The following GUCY1A2 variants were observed in gnomAD, a reference collection of about 807,000 sequenced individuals.
The protein encoded by GUCY1A2 is guanylate cyclase soluble subunit alpha-2.
GUCY1A2 carries 27 observed loss-of-function variants against 63.5 expected under a neutral mutation model. The ratio of observed to expected loss-of-function variants is 0.43; its 90% CI spans 0.31 to 0.59. The LOEUF (loss-of-function observed/expected upper bound fraction) is 0.59, where lower values mean the gene tolerates loss of function less well. GUCY1A2 is among the 20% of genes least tolerant of loss of function. The pLI, the probability that GUCY1A2 is intolerant of heterozygous loss-of-function variation, is 0.11. For missense variants in GUCY1A2, 768 were observed against 913.3 expected (o/e 0.84, Z 2.05); for synonymous variants, 364 against 343.5 (o/e 1.06, Z -0.66).
intron 1 of GUCY1A2, among the ~76,000 whole-genome samples, chr11:107,011,023 C>A (rs1440376969): frequency 6.6e-6 from 1 of 152,178 alleles, no homozygotes; most frequent in Non-Finnish European, 1.5e-5. Context: ...AACCACTGCG[C>A]CTGGCCCTCC....
At chr11:106,953,986 T>C (rs1228115091) in intron 3 of GUCY1A2, among the ~76,000 whole-genome samples, 1 of 152,168 alleles carries the variant, frequency 6.6e-6, no homozygotes. Flanking sequence ...TCATTGATTT[T>C]TGGAGGTTTT....
chr11:106,846,785 T>C (rs1031110866), intron 4 of GUCY1A2, among the ~76,000 whole-genome samples: 11 of 151,530 alleles, frequency 7.3e-5, no homozygotes, highest in African/African-American at 2.7e-4. Flanking sequence ...ACAAATGAAA[T>C]AGAAAATTAT....
chr11:106,968,100 C>T (rs1679369414), intron 3 of GUCY1A2, among the ~76,000 whole-genome samples: 1 of 152,178 alleles, frequency 6.6e-6, no homozygotes, highest in Non-Finnish European at 1.5e-5. Flanking sequence ...CTTAAGCATC[C>T]TTGCCCAAGA....
intron 4 of GUCY1A2, chr11:106,827,820 G>C: frequency 1.3e-6 from 2 of 1,598,242 alleles, no homozygotes. Flanking sequence ...CTCCGCACAA[G>C]TGACGCCCGC....
intron 4 of GUCY1A2, among the ~76,000 whole-genome samples, chr11:106,823,589 C>G (rs920081707): frequency 9.3e-4 from 141 of 152,130 alleles, no homozygotes; most frequent in Non-Finnish European, 1.7e-3. Context: ...TAATGATACC[C>G]AGAAGTGGGA....
chr11:106,804,975 C>T (rs1858661942), intron 5 of GUCY1A2, among the ~76,000 whole-genome samples: 1 of 152,284 alleles, frequency 6.6e-6, no homozygotes, highest in Non-Finnish European at 1.5e-5. Context: ...CTGAACTCTG[C>T]TTTTCCAGCT....
chr11:106,691,136 T>C (rs1237058717), intron 7 of GUCY1A2, among the ~76,000 whole-genome samples: 3 of 152,148 alleles, frequency 2.0e-5, no homozygotes, highest in Non-Finnish European at 4.4e-5. Context: ...TTGATGTCAA[T>C]CAATCAAACT....
chr11:106,996,124 C>T (rs1050902453), intron 1 of GUCY1A2, among the ~76,000 whole-genome samples: 14 of 152,156 alleles, frequency 9.2e-5, no homozygotes, highest in Non-Finnish European at 1.3e-4. Context: ...TTGCTCCAGT[C>T]GCATGCCTGG....
At chr11:106,870,119 G>C (rs1565315581) in intron 4 of GUCY1A2, among the ~76,000 whole-genome samples, 1 of 116,204 alleles carries the variant, frequency 8.6e-6, no homozygotes, top group African/African-American at 3.2e-5. Flanking sequence ...GGGGGGGGAG[G>C]GGGGAGGGAT....
At chr11:106,884,736 A>G (rs1859875423) in intron 4 of GUCY1A2, among the ~76,000 whole-genome samples, 1 of 152,170 alleles carries the variant, frequency 6.6e-6, no homozygotes, top group East Asian at 1.9e-4. Context: ...AATGTTAGCA[A>G]GAAGCTATAC....
chr11:106,679,805 A>C lies in GUCY1A2; in HGVS notation c.*7744T>G, dbSNP rs557076330. 9.2e-6 allele frequency: 2 copies of C among 217,750 alleles called. No homozygotes were observed. The highest frequency in any genetic ancestry group is 1.8e-5 in the Non-Finnish European group (2 of 108,362). 13.5% of individuals were successfully genotyped at this position (217,750 alleles called of 1,614,324 possible). On this transcript the variant is annotated 3_prime_UTR_variant, in exon 8 of 8. Coordinates refer to ENST00000526355, the MANE Select transcript of GUCY1A2 (RefSeq NM_000855.3). ...TGTTCTGACACTTTCATTTACCTTA[A>C]TCATTGTAACCAAGACTAGTTCTAT...
chr11:106,817,144 C>A (rs532726675), intron 4 of GUCY1A2, among the ~76,000 whole-genome samples: 120 of 152,156 alleles, frequency 7.9e-4, no homozygotes, highest in African/African-American at 2.6e-3. Flanking sequence ...CGAAATAATT[C>A]ATTTGTCCTC....
At chr11:106,960,978 G>T (rs1397970349) in intron 3 of GUCY1A2, among the ~76,000 whole-genome samples, 2 of 152,072 alleles carry the variant, frequency 1.3e-5, no homozygotes, top group African/African-American at 2.4e-5. Context: ...GGAACAGTGA[G>T]GAAGGAAGGA....
chr11:106,904,832 G>C (rs1326637492), intron 4 of GUCY1A2, among the ~76,000 whole-genome samples: 1 of 151,748 alleles, frequency 6.6e-6, no homozygotes, highest in African/African-American at 2.4e-5. Flanking sequence ...AAAAAAGTAT[G>C]ATGCCAATTG....
At chr11:106,730,815 G>A (rs1355042480) in intron 6 of GUCY1A2, among the ~76,000 whole-genome samples, 1 of 152,066 alleles carries the variant, frequency 6.6e-6, no homozygotes, top group African/African-American at 2.4e-5. Context: ...CATTCTGACT[G>A]GTGTTAAATG....
intron 4 of GUCY1A2, among the ~76,000 whole-genome samples, chr11:106,813,615 A>C (rs1173319197): frequency 6.6e-6 from 1 of 152,090 alleles, no homozygotes; most frequent in Non-Finnish European, 1.5e-5. Flanking sequence ...TAAGAAAATC[A>C]TTTGATGCAG....
intron 5 of GUCY1A2, among the ~76,000 whole-genome samples, chr11:106,802,952 CTGTT>C (rs1296010334): frequency 6.6e-6 from 1 of 152,148 alleles, no homozygotes; most frequent in Non-Finnish European, 1.5e-5. Context: ...AAACACCAAT[CTGTT>C]TGCAGTTGCC....
At chr11:106,758,120 C>T (rs910779014) in intron 6 of GUCY1A2, among the ~76,000 whole-genome samples, 3 of 152,212 alleles carry the variant, frequency 2.0e-5, no homozygotes, top group Non-Finnish European at 4.4e-5. Flanking sequence ...TTCGAGCTTA[C>T]TGGCAGCTTT....
chr11:106,907,640 G>T (rs1481717052), intron 4 of GUCY1A2, among the ~76,000 whole-genome samples: 1 of 151,962 alleles, frequency 6.6e-6, no homozygotes, highest in Non-Finnish European at 1.5e-5. Context: ...CCACCTATGA[G>T]TGAGAACATG....
Sources: allele counts gnomAD v4.1 joint callset (sites outside exome capture counted in the v4.1 genomes callset), GRCh38; gene constraint gnomAD v4.1.1; transcripts MANE v1.5; gene names NCBI Gene and HGNC (gene_info 2026-07-23, HGNC 2026-07-21).